The following SLC1A7 variants were observed in gnomAD, a reference collection of about 807,000 sequenced individuals.
SLC1A7 encodes the protein excitatory amino acid transporter 5.
In SLC1A7, 40 loss-of-function variants were observed where a neutral mutation model predicts 47.7. That is an observed-to-expected ratio of 0.84 (90% CI 0.65 to 1.09). SLC1A7 has a LOEUF of 1.09. Ranked by LOEUF, SLC1A7 falls within the 50% of genes least tolerant of loss-of-function variation. SLC1A7 has a pLI of 0.00. For synonymous variants in SLC1A7, 323 were observed against 325.6 expected, an observed-to-expected ratio of 0.99 and a Z score of 0.09; for missense variants, 746 against 769.5, an observed-to-expected ratio of 0.97 and a Z score of 0.36.
chr1:53,141,960 G>C (rs1032004764), intron 1 of SLC1A7, among the ~76,000 whole-genome samples: 1 of 152,128 alleles, frequency 6.6e-6, no homozygotes, highest in African/African-American at 2.4e-5. Flanking sequence ...CTTGTCATTT[G>C]AGCAGCCTTT....
intron 1 of SLC1A7, among the ~76,000 whole-genome samples, chr1:53,140,570 T>C (rs1645047389): frequency 6.6e-6 from 1 of 152,194 alleles, no homozygotes; most frequent in African/African-American, 2.4e-5. Flanking sequence ...GCAGCGGGGT[T>C]ACAGTTACTT....
intron 4 of SLC1A7, among the ~76,000 whole-genome samples, chr1:53,103,951 G>C (rs1210167510): frequency 6.6e-6 from 1 of 152,098 alleles, no homozygotes; most frequent in Non-Finnish European, 1.5e-5. Flanking sequence ...TGCTGGCCCT[G>C]CTGCCCACCA....
At chr1:53,124,638 C>T (rs949667894) in intron 2 of SLC1A7, among the ~76,000 whole-genome samples, 17 of 152,146 alleles carry the variant, frequency 1.1e-4, no homozygotes, top group Non-Finnish European at 2.5e-4. Flanking sequence ...GGGCCACACA[C>T]ACAAACACAC....
intron 8 of SLC1A7, 41 bp from the exon 9 acceptor site, chr1:53,089,975 C>T (rs567526262): frequency 1.2e-6 from 2 of 1,608,884 alleles, no homozygotes; most frequent in South Asian, 1.1e-5. Flanking sequence ...GCAGGAGGGG[C>T]AGGGTGCATT....
chr1:53,128,063 G>A (rs1644902350), intron 2 of SLC1A7, among the ~76,000 whole-genome samples: 1 of 152,268 alleles, frequency 6.6e-6, no homozygotes, highest in Non-Finnish European at 1.5e-5. Flanking sequence ...CACACACACA[G>A]AGAACCAGGA....
chr1:53,121,906 C>A (rs1005238267), intron 2 of SLC1A7, among the ~76,000 whole-genome samples: 1 of 152,076 alleles, frequency 6.6e-6, no homozygotes, highest in Admixed American at 6.5e-5. Context: ...CTGCTGCAGA[C>A]CTGCTTTGAC....
At chr1:53,126,247 G>A (rs574051788) in intron 2 of SLC1A7, among the ~76,000 whole-genome samples, 23 of 152,350 alleles carry the variant, frequency 1.5e-4, no homozygotes, top group African/African-American at 3.4e-4. Flanking sequence ...TGGGCACAGC[G>A]GCTGGTGGAG....
intron 3 of SLC1A7, among the ~76,000 whole-genome samples, chr1:53,107,449 C>T (rs1232679814): frequency 6.6e-6 from 1 of 152,158 alleles, no homozygotes; most frequent in Non-Finnish European, 1.5e-5. Flanking sequence ...TTTTGACTAA[C>T]GTACCCTAGT....
rs188874521 is a variant in SLC1A7, at chr1:53,130,976, C to T, written c.215+3374G>A. ...CGAGGGGTTTTAGGACTCAGAAATG[C>T]GTCATATCTCCCCCCTGAAGGTTTA... On this transcript the variant is annotated intron_variant, in intron 2 of 10. Transcript: ENST00000371494. Among the ~76,000 whole-genome samples the T allele has an allele frequency of 4.6e-3, 700 of 152,212 alleles. 7 individuals are homozygous for T. Among genetic ancestry groups the T allele is most frequent in the African/African-American group, 0.015 (621 of 41,514 alleles).
intron 3 of SLC1A7, among the ~76,000 whole-genome samples, chr1:53,113,285 C>A (rs1194664380): frequency 6.6e-6 from 1 of 152,136 alleles, no homozygotes; most frequent in Non-Finnish European, 1.5e-5. Flanking sequence ...CTCTCACCAC[C>A]TGTCCTGCAA....
chr1:53,129,437 T>C (rs1644916300), intron 2 of SLC1A7, among the ~76,000 whole-genome samples: 4 of 152,110 alleles, frequency 2.6e-5, no homozygotes. Context: ...CCGCCCATGC[T>C]TCCTGCTCCC....
At chr1:53,116,534 G>A (rs981426378) in intron 2 of SLC1A7, among the ~76,000 whole-genome samples, 43 of 152,370 alleles carry the variant, frequency 2.8e-4, no homozygotes, top group Non-Finnish European at 5.1e-4. Flanking sequence ...TGGGCTTAGG[G>A]TGGGTCTTAG....
chr1:53,100,439 C>T (rs895763416), intron 5 of SLC1A7, among the ~76,000 whole-genome samples: 3 of 151,600 alleles, frequency 2.0e-5, no homozygotes, highest in Admixed American at 6.6e-5. Flanking sequence ...TACACTCACA[C>T]GTCCCACCTC....
intron 5 of SLC1A7, among the ~76,000 whole-genome samples, chr1:53,101,088 A>T (rs2150323107): frequency 1.3e-5 from 2 of 150,896 alleles, no homozygotes; most frequent in East Asian, 3.9e-4. Flanking sequence ...ACCTTGGTAC[A>T]CTCACACACA....
chr1:53,090,059 AG>A (rs1385200252), intron 8 of SLC1A7, 125 bp from the exon 9 acceptor site: 2 of 975,438 alleles, frequency 2.1e-6, no homozygotes, highest in Admixed American at 4.0e-5. Context: ...GGGGGTGGGT[AG>A]GAATGCCACA....
Position 53,142,366 on chromosome 1 carries a change from G to C in SLC1A7, c.84C>G (p.Ile28Met), listed in dbSNP as rs985167612. ...AGAAGAAGCCGAGGAGGCAGCCCAC[G>C]ATGACAGACAGCACAGACAGGATGA... ...GLLILSVLSV[I>M]VGCLLGFFLR... Residue 28 changes from isoleucine (I) to methionine (M), a missense_variant, in exon 1 of 11, where the codon ATC becomes ATG. By Grantham distance (10) the Ile-to-Met change is conservative (BLOSUM62 1). Coordinates refer to ENST00000371494, the MANE Select transcript of SLC1A7 (RefSeq NM_006671.6). 1 of 1,595,144 alleles carries C rather than the reference G, an allele frequency of 6.3e-7. No individual in the cohort carries two copies. The highest frequency in any genetic ancestry group is 2.3e-5 in the East Asian group (1 of 44,012).
chr1:53,118,364 G>A (rs944665195), intron 2 of SLC1A7: 1 of 152,158 alleles, frequency 6.6e-6, no homozygotes, highest in South Asian at 2.1e-4. Context: ...GTTTTGTTTC[G>A]AATAGTCCTT....
chr1:53,100,450 G>A (rs1208882631), intron 5 of SLC1A7, among the ~76,000 whole-genome samples: 3 of 146,738 alleles, frequency 2.0e-5, no homozygotes, highest in African/African-American at 5.1e-5. Flanking sequence ...GTCCCACCTC[G>A]GTCCACTCAT....
chr1:53,137,138 T>C lies in SLC1A7; in HGVS notation c.136-2709A>G, dbSNP rs867627755. Among the ~76,000 whole-genome samples, 20 of 152,070 alleles carry C rather than the reference T, an allele frequency of 1.3e-4. 1 individual carries two copies. The highest frequency in any genetic ancestry group is 3.4e-3 in the Middle Eastern group (1 of 294). On this transcript the variant is annotated intron_variant, in intron 1 of 10. Coordinates refer to ENST00000371494, the MANE Select transcript of SLC1A7 (RefSeq NM_006671.6). The stretch of plus-strand genomic sequence containing the variant: ...CCCATCTCTACTAAAAATACAAAAA[T>C]TAGCTGGGCATGGTGGTGCATGCCT...
Sources: gnomAD v4.1 joint callset for allele counts (sites outside exome capture counted in the v4.1 genomes callset) on GRCh38, gnomAD v4.1.1 for gene constraint, MANE v1.5 for transcripts, NCBI Gene and HGNC (gene_info 2026-07-23, HGNC 2026-07-21) for gene names.